ATR: variants seen among roughly 807,000 people sequenced by gnomAD.
The protein encoded by ATR is ATR checkpoint kinase.
ATR carries 142 observed loss-of-function variants against 305.3 expected under a neutral mutation model. The observed-to-expected ratio is 0.47, with a 90% CI of 0.41 to 0.53. ATR has a LOEUF of 0.53. Among genes scored for constraint, ATR ranks in the 20% least tolerant of loss-of-function variants. ATR has a pLI of 0.00. For synonymous variants in ATR, 1,050 were observed against 1,068.1 expected, an observed-to-expected ratio of 0.98 and a Z score of 0.33; for missense variants, 2,135 against 3,133.1, an observed-to-expected ratio of 0.68 and a Z score of 7.60.
chr3:142,556,513 C>T lies in ATR; in HGVS notation c.1948G>A (p.Glu650Lys), dbSNP rs997536082. The change falls in exon 9 of 47, where the codon GAG (glutamate) becomes AAG (lysine). Residue 650 changes from glutamate to lysine, a missense_variant. Around this residue, in one of 9 missense-constraint regions of ATR, gnomAD observed 744 missense variants for 873.2 expected, o/e 0.85. Coordinates refer to ENST00000350721, the MANE Select transcript of ATR (RefSeq NM_001184.4). ...CAGTTGTAAACTGCTGTTCTCCACT[C>T]AAGGAATATTCTTCTTGGAAACAGA... is the stretch of plus-strand genomic sequence containing the variant. ...LTLFPRRIFL[E>K]WRTAVYNWAL... The T allele has an allele frequency of 5.6e-6, 9 of 1,613,946 alleles. No homozygotes were observed. Among genetic ancestry groups the T allele is most frequent in the African/African-American group, 2.7e-5 (2 of 74,908 alleles).
At chr3:142,454,085 C>T (rs1253631196) in intron 45 of ATR, among the ~76,000 whole-genome samples, 3 of 152,224 alleles carry the variant, frequency 2.0e-5, no homozygotes. Context: ...AGTAACAGGC[C>T]CCATGTGAGA....
intron 45 of ATR, among the ~76,000 whole-genome samples, chr3:142,455,574 C>T (rs13099184): frequency 0.33 from 50,870 of 152,004 alleles, 8,976 homozygotes; most frequent in Middle Eastern, 0.44. Flanking sequence ...TATAGATCAA[C>T]AGAATATTGC....
chr3:142,454,924 C>G (rs540655051), intron 45 of ATR, among the ~76,000 whole-genome samples: 35 of 151,916 alleles, frequency 2.3e-4, no homozygotes, highest in African/African-American at 7.7e-4. Flanking sequence ...TTAGTTAGGG[C>G]AAGTAGGCAA....
intron 35 of ATR, among the ~76,000 whole-genome samples, chr3:142,489,422 T>A (rs1278077262): frequency 6.6e-6 from 1 of 152,122 alleles, no homozygotes; most frequent in African/African-American, 2.4e-5. Context: ...AGATGAACAT[T>A]CCTAACTCTC....
At position 142,562,346 on chromosome 3, in the gene ATR, A is replaced by G. The variant is rs555112366; in HGVS notation, c.1056T>C (p.Tyr352=). ...LKAALCHLLQ[Y]FLKFVPAGYE... ...ACCCAGCTGGCACAAATTTAAGGAA[A>G]TACTGCAGTAAATGGCACAAAGCTG... The change falls in exon 4 of 47, where the codon TAT becomes TAC. Residue 352 remains tyrosine (Y), a synonymous_variant. Transcript: ENST00000350721. 1 of 1,614,166 alleles carries G rather than the reference A, an allele frequency of 6.2e-7. No homozygotes were observed. Among genetic ancestry groups the G allele is most frequent in the South Asian group, 1.1e-5 (1 of 91,086 alleles).
intron 3 of ATR, 84 bp downstream of exon 3, chr3:142,566,037 T>C (rs2108493390): frequency 6.3e-7 from 1 of 1,577,302 alleles, no homozygotes. Context: ...AGTATAATCC[T>C]GTACATGTAA....
chr3:142,471,752 A>T (rs560136246), intron 36 of ATR, among the ~76,000 whole-genome samples: 4 of 152,296 alleles, frequency 2.6e-5, no homozygotes, highest in Admixed American at 2.0e-4. Context: ...TTGTGGAATA[A>T]AATCTATTCT....
chr3:142,481,828 TTA>T (rs1453965948), intron 36 of ATR, among the ~76,000 whole-genome samples: 7 of 151,408 alleles, frequency 4.6e-5, no homozygotes, highest in Non-Finnish European at 8.8e-5. Context: ...ATTTATTTAT[TTA>T]TTTTTTTTTT....
chr3:142,485,416 T>C, intron 35 of ATR, 134 bp from the exon 36 acceptor site: 1 of 1,095,772 alleles, frequency 9.1e-7, no homozygotes, highest in Non-Finnish European at 1.3e-6. Context: ...GCAGACTCAA[T>C]CTTTGATGTG....
Position 142,474,249 on chromosome 3 carries a change from C to CA in ATR, c.6222-4067dup, listed in dbSNP as rs552372264. 1.6e-3 allele frequency among the ~76,000 whole-genome samples: 227 copies of CA among 138,038 alleles called. 1 individual carries two copies. Among genetic ancestry groups the CA allele is most frequent in the Middle Eastern group, 3.7e-3 (1 of 272 alleles). 90.6% of individuals were successfully genotyped at this position (138,038 alleles called of 152,430 possible). On this transcript the variant is annotated intron_variant, in intron 36 of 46. Coordinates refer to ENST00000350721, the MANE Select transcript of ATR (RefSeq NM_001184.4). ...GCCAGAATTTTTAAACAAAACAAAA[C>CA]AAAAAAAAAAGGAAAGAAAGAATAA...
At chr3:142,539,284 A>C (rs2033969478) in intron 18 of ATR, among the ~76,000 whole-genome samples, 1 of 152,088 alleles carries the variant, frequency 6.6e-6, no homozygotes. Flanking sequence ...TCCTTGAAGA[A>C]ATCACTAATT....
intron 38 of ATR, 74 bp downstream of exon 38, chr3:142,469,263 T>G: frequency 1.6e-6 from 2 of 1,221,526 alleles, no homozygotes; most frequent in East Asian, 4.8e-5. Context: ...TATCTACATA[T>G]TAGTATTACA....
At chr3:142,574,334 C>G (rs1401287098) in intron 1 of ATR, among the ~76,000 whole-genome samples, 1 of 151,288 alleles carries the variant, frequency 6.6e-6, no homozygotes, top group Non-Finnish European at 1.5e-5. Context: ...TGGTGGCACA[C>G]ACCTGTAGTC....
intron 1 of ATR, among the ~76,000 whole-genome samples, chr3:142,569,355 C>T (rs2035185221): frequency 6.6e-6 from 1 of 152,078 alleles, no homozygotes; most frequent in South Asian, 2.1e-4. Flanking sequence ...GGGTCTAACC[C>T]TGTTGCCCAG....
chr3:142,466,346 T>C lies in ATR; in HGVS notation c.6875A>G (p.Tyr2292Cys). Residue 2292 changes from tyrosine to cysteine, a missense_variant, in exon 40 of 47, where the codon TAT becomes TGT. Transcript: ENST00000350721. ...SHEPFPGHWA[Y>C]IAGFDDMVEI... ...TACCATATCATCAAACCCTGCAATA[T>C]AGGCCCAATGTCCAGGAAATGGTTC... 6.2e-7 allele frequency: 1 copy of C among 1,613,856 alleles called. No individual in the cohort carries two copies. Among genetic ancestry groups the C allele is most frequent in the Non-Finnish European group, 8.5e-7 (1 of 1,179,812 alleles).
Position 142,561,117 on chromosome 3 carries a change from C to A in ATR, c.1349+126G>T, listed in dbSNP as rs559325213. On this transcript the variant is annotated intron_variant, in intron 5 of 46. Transcript: ENST00000350721. Reference sequence around the variant, plus strand: ...AATTATAAAAATATTTTAAGCACTCCCTTGGCTACATTTAGAAAGATGTTC... The same window carrying A: ...AATTATAAAAATATTTTAAGCACTCACTTGGCTACATTTAGAAAGATGTTC... The A allele has an allele frequency of 9.5e-5, 100 of 1,050,658 alleles. 1 individual carries two copies. In the East Asian group the frequency reaches 2.5e-3, roughly 26 times the overall value. The allele number at this position is 1,050,658 out of a possible 1,614,324, so 65.1% of individuals were successfully genotyped here.
At chr3:142,479,058 C>T (rs200921505) in intron 36 of ATR, among the ~76,000 whole-genome samples, 1 of 151,842 alleles carries the variant, frequency 6.6e-6, no homozygotes, top group African/African-American at 2.4e-5. Flanking sequence ...CAGTCTGTGT[C>T]TTTTAACTGG....
intron 31 of ATR, 42 bp from the exon 32 acceptor site, chr3:142,498,816 G>A (rs2108342216): frequency 6.3e-7 from 1 of 1,583,626 alleles, no homozygotes; most frequent in Non-Finnish European, 8.7e-7. Flanking sequence ...ACGGTAGCTG[G>A]GTCCAAGAGT....
intron 3 of ATR, 70 bp from the exon 4 acceptor site, chr3:142,563,179 T>C (rs1444964488): frequency 7.1e-7 from 1 of 1,414,648 alleles, no homozygotes; most frequent in Non-Finnish European, 9.6e-7. Context: ...TGCTAAATCC[T>C]TGACGATTGA....
Sources: gnomAD v4.1 joint callset for allele counts (sites outside exome capture counted in the v4.1 genomes callset) on GRCh38, gnomAD v4.1.1 for gene constraint, gnomAD v4.1.1 regional missense constraint, MANE v1.5 for transcripts, NCBI Gene and HGNC (gene_info 2026-07-23, HGNC 2026-07-21) for gene names.